The following POLN variants were observed in gnomAD, a reference collection of about 807,000 sequenced individuals.
POLN encodes the protein DNA polymerase N.
In POLN, 108 loss-of-function variants were observed where a neutral mutation model predicts 113.5. That is an observed-to-expected ratio of 0.95 (90% CI 0.81 to 1.12). The LOEUF is 1.12. Among genes scored for constraint, POLN ranks in the 50% most tolerant of loss-of-function variants. The probability of loss-of-function intolerance (pLI) is 0.00; values close to 1 mark genes in which losing one functional copy is unlikely to be tolerated. For missense variants in POLN, 1,097 were observed against 1,077.1 expected (o/e 1.02, Z -0.26); for synonymous variants, 386 against 391.5 (o/e 0.99, Z 0.17).
At chr4:2,085,233 C>T (rs1432101087) in intron 21 of POLN, among the ~76,000 whole-genome samples, 3 of 152,146 alleles carry the variant, frequency 2.0e-5, no homozygotes, top group Non-Finnish European at 4.4e-5. Context: ...AGACTATGTC[C>T]TATTGGATAT....
chr4:2,220,214 G>C (rs1186089807), intron 3 of POLN, among the ~76,000 whole-genome samples: 1 of 152,164 alleles, frequency 6.6e-6, no homozygotes, highest in Non-Finnish European at 1.5e-5. Flanking sequence ...GTGCTAGAGG[G>C]ACGCTGTCAG....
At chr4:2,240,258 A>T (rs1220982413) in intron 2 of POLN, 1 of 1,613,840 alleles carries the variant, frequency 6.2e-7, no homozygotes, top group South Asian at 1.1e-5. Flanking sequence ...TGAACTTTCA[A>T]CTACTTCATG....
intron 2 of POLN, chr4:2,240,856 A>C (rs369905729): frequency 5.6e-6 from 9 of 1,613,016 alleles, no homozygotes; most frequent in South Asian, 1.1e-5. Context: ...ACGCCCTCAA[A>C]CAACCAGTCA....
intron 3 of POLN, among the ~76,000 whole-genome samples, chr4:2,217,886 C>T (rs756722695): frequency 6.6e-6 from 1 of 152,212 alleles, no homozygotes; most frequent in Non-Finnish European, 1.5e-5. Flanking sequence ...CCTCCACTCC[C>T]TAAACCCAGA....
intron 19 of POLN, among the ~76,000 whole-genome samples, chr4:2,101,710 T>C (rs1326184649): frequency 1.3e-5 from 2 of 152,204 alleles, no homozygotes; most frequent in Non-Finnish European, 2.9e-5. Flanking sequence ...GCCTAGGCAT[T>C]AGGAAAACTT....
chr4:2,075,545 T>C, intron 23 of POLN, 26 bp from the exon 24 acceptor site: 3 of 1,611,244 alleles, frequency 1.9e-6, no homozygotes, highest in Non-Finnish European at 2.5e-6. Context: ...GGAGTCACCC[T>C]GGGAGGCCAG....
intron 19 of POLN, among the ~76,000 whole-genome samples, chr4:2,099,346 GGTAA>G (rs1395104647): frequency 4.6e-5 from 7 of 152,148 alleles, no homozygotes; most frequent in African/African-American, 1.7e-4. Context: ...CATCAGCAGG[GGTAA>G]GTCCTGTTGA....
Position 2,199,057 on chromosome 4 carries a change from C to T in POLN, c.715-340G>A, listed in dbSNP as rs190615628. Among the ~76,000 whole-genome samples the T allele has an allele frequency of 4.8e-3, 731 of 152,182 alleles. 2 individuals carry two copies. The highest frequency in any genetic ancestry group is 8.4e-3 in the Non-Finnish European group (573 of 68,000). On this transcript the variant is annotated intron_variant, in intron 5 of 25. Coordinates refer to ENST00000511885, the MANE Select transcript of POLN (RefSeq NM_181808.4). ...AAAATCTAAAGGAACCTATAAAAAA[C>T]GAATCCTGGAGCTAATATGTGAATT...
intron 3 of POLN, among the ~76,000 whole-genome samples, chr4:2,214,886 CATACATATACAT>C (rs1560096433): frequency 8.6e-5 from 13 of 151,092 alleles, no homozygotes; most frequent in Non-Finnish European, 1.6e-4. Context: ...CACATATACA[CATACATATACAT>C]ATATATGTAT....
intron 10 of POLN, 87 bp from the exon 11 acceptor site, chr4:2,174,106 C>T: frequency 8.0e-7 from 1 of 1,250,320 alleles, no homozygotes. Context: ...CTGATGAGGA[C>T]AATAATGACT....
At chr4:2,079,080 C>T in intron 23 of POLN, 1 of 231,990 alleles carries the variant, frequency 4.3e-6, no homozygotes, top group Non-Finnish European at 7.1e-6. Context: ...CAGGTGTGCA[C>T]CACCATGGCC....
chr4:2,145,582 A>G (rs1327622843), intron 16 of POLN, among the ~76,000 whole-genome samples: 1 of 152,226 alleles, frequency 6.6e-6, no homozygotes, highest in Non-Finnish European at 1.5e-5. Context: ...AGTAATGTGA[A>G]TTAAGTCACA....
chr4:2,211,085 T>C (rs1205002162), intron 4 of POLN, among the ~76,000 whole-genome samples: 1 of 149,256 alleles, frequency 6.7e-6, no homozygotes, highest in Non-Finnish European at 1.5e-5. Flanking sequence ...ACCCCATCTC[T>C]ATTAAAAACA....
At chr4:2,236,557 T>A in intron 2 of POLN, 1 of 763,626 alleles carries the variant, frequency 1.3e-6, no homozygotes, top group Non-Finnish European at 2.1e-6. Flanking sequence ...GATAGCTAAG[T>A]AACAACTTAT....
chr4:2,102,063 C>T (rs983007989), intron 19 of POLN, among the ~76,000 whole-genome samples: 2 of 152,156 alleles, frequency 1.3e-5, no homozygotes, highest in Non-Finnish European at 2.9e-5. Flanking sequence ...GGAACAGGCC[C>T]TAACTCCCAC....
intron 2 of POLN, chr4:2,236,137 A>T: frequency 1.5e-6 from 1 of 688,774 alleles, no homozygotes; most frequent in East Asian, 2.7e-5. Context: ...AAATTGGGGT[A>T]ATATTTTCCT....
rs1262896264 is a variant in POLN, at chr4:2,128,106, A to G, written c.1982+7T>C. On this transcript the variant is annotated splice_region_variant and intron_variant, in intron 19 of 25. Coordinates refer to ENST00000511885, the MANE Select transcript of POLN (RefSeq NM_181808.4). Reference sequence around the variant, plus strand: ...ATCTGATAATATTGTGAGTTCATATATCTTACCACTGTGAAGTCAGAGTAG... The same window carrying G: ...ATCTGATAATATTGTGAGTTCATATGTCTTACCACTGTGAAGTCAGAGTAG... 7 of 1,540,360 alleles carry G rather than the reference A, an allele frequency of 4.5e-6. No homozygotes were observed. The highest frequency in any genetic ancestry group is 6.3e-6 in the Non-Finnish European group (7 of 1,113,650).
Position 2,072,085 on chromosome 4 carries a change from C to T in POLN, c.*29G>A. 1 of 1,611,214 alleles carries T rather than the reference C, an allele frequency of 6.2e-7. No individual in the cohort carries two copies. Among genetic ancestry groups the T allele is most frequent in the Admixed American group, 1.7e-5 (1 of 60,006 alleles). On this transcript the variant is annotated 3_prime_UTR_variant, in exon 26 of 26. Coordinates refer to ENST00000511885, the MANE Select transcript of POLN (RefSeq NM_181808.4). ...GGCCACACAATGGACTGCTGGAAAC[C>T]AGTTCTCTCCTCCCACTGTTGCCTG...
At chr4:2,089,692 T>C in intron 20 of POLN, 1 of 690,006 alleles carries the variant, frequency 1.4e-6, no homozygotes, top group East Asian at 2.7e-5. Flanking sequence ...GTTTTAAAAA[T>C]CAGATAGTGA....
Sources: gnomAD v4.1 joint callset for allele counts (sites outside exome capture counted in the v4.1 genomes callset) on GRCh38, gnomAD v4.1.1 for gene constraint, MANE v1.5 for transcripts, NCBI Gene and HGNC (gene_info 2026-07-23, HGNC 2026-07-21) for gene names.